LAMP2: variants seen among roughly 807,000 people sequenced by gnomAD.
LAMP2 encodes lysosome associated membrane protein 2.
A neutral mutation model predicts 25.6 loss-of-function variants in LAMP2; 4 were observed. That is an observed-to-expected ratio of 0.16 (90% CI 0.08 to 0.36). The LOEUF (loss-of-function observed/expected upper bound fraction) is 0.36. Among genes scored for constraint, LAMP2 ranks in the 10% least tolerant of loss-of-function variants. LAMP2 has a pLI of 1.00. For missense variants in LAMP2, 272 were observed against 301.4 expected (o/e 0.90, Z 0.72); for synonymous variants, 108 against 112.7 (o/e 0.96, Z 0.27).
At chrX:120,460,993 T>C (rs1248421191) in intron 1 of LAMP2, among the ~76,000 whole-genome samples, 1 of 112,082 alleles carries the variant, frequency 8.9e-6, no homozygotes, top group Non-Finnish European at 1.9e-5. Flanking sequence ...AAACTACTTA[T>C]CTATGCTACC....
At position 120,453,357 on chromosome X, in the gene LAMP2, A is replaced by G. The variant is rs756451705; in HGVS notation, c.397+2000T>C. Among the ~76,000 whole-genome samples, 4 of 111,805 alleles carry G rather than the reference A, an allele frequency of 3.6e-5. No individual in the cohort carries two copies. In the South Asian group the frequency reaches 1.5e-3, roughly 42 times the overall value. The stretch of plus-strand genomic sequence containing the variant: ...GATCTTTTGACATCCTTAAGTCCAA[A>G]TGAGTTATTAATCCCCAGGTCTAGG... On this transcript the variant is annotated intron_variant, in intron 3 of 8. Transcript: ENST00000200639.
intron 1 of LAMP2, among the ~76,000 whole-genome samples, chrX:120,463,915 GTTTTT>G (rs1221202178): frequency 1.0e-5 from 1 of 96,733 alleles, no homozygotes; most frequent in Non-Finnish European, 2.0e-5. Context: ...TCTGTTTTTC[GTTTTT>G]TTTTTGTTTT....
chrX:120,449,790 A>G (rs769144875), intron 3 of LAMP2, among the ~76,000 whole-genome samples: 1 of 111,463 alleles, frequency 9.0e-6, no homozygotes, highest in Non-Finnish European at 1.9e-5. Flanking sequence ...CACATATATA[A>G]TTTATTTTAA....
At chrX:120,465,319 A>AAAAAAAAATTCTGAACCCTAAAAAAAC (rs1921490531) in intron 1 of LAMP2, among the ~76,000 whole-genome samples, 1 of 107,342 alleles carries the variant, frequency 9.3e-6, no homozygotes, top group African/African-American at 3.4e-5. Context: ...GAACCCTAAA[A>AAAAAAAAATTCTGAACCCTAAAAAAAC]AAACAAACAA....
At chrX:120,462,948 G>A (rs1450605230) in intron 1 of LAMP2, among the ~76,000 whole-genome samples, 3 of 112,260 alleles carry the variant, frequency 2.7e-5, no homozygotes, top group Non-Finnish European at 5.6e-5. Flanking sequence ...CAATTTACAA[G>A]TCTCCTTTTT....
In LAMP2 at chrX:120,437,412, CAAA is replaced by C. The variant is rs10565432; in HGVS notation, c.1093+4315_1093+4317del. The C allele has an allele frequency of 0.019, 12,652 of 652,953 alleles. 958 individuals are homozygous for C. The African/African-American group carries it at 0.28, about 15-fold the overall frequency. The allele number at this position is 652,953 out of a possible 1,213,427, so 53.8% of individuals were successfully genotyped here. On this transcript the variant is annotated intron_variant, in intron 8 of 8. Coordinates refer to ENST00000200639, the MANE Select transcript of LAMP2 (RefSeq NM_002294.3). ...GAATGGGAGGCACATAATCCCACCA[CAAA>C]AAAAAAAAAAACACGAAAAAACAAC...
intron 6 of LAMP2, among the ~76,000 whole-genome samples, chrX:120,444,046 G>T (rs1316643441): frequency 1.3e-4 from 14 of 109,324 alleles, no homozygotes; most frequent in African/African-American, 4.3e-4. Context: ...GAAAAGAAAA[G>T]AAAAAAGAAA....
In LAMP2 at chrX:120,441,777, T is replaced by A; in HGVS notation, c.1046A>T (p.Asp349Val). 1 of 1,209,064 alleles carries A rather than the reference T, an allele frequency of 8.3e-7. No homozygotes were observed. Among genetic ancestry groups the A allele is most frequent in the East Asian group, 3.0e-5 (1 of 33,859 alleles). Residue 349 changes from aspartate to valine, a missense_variant, in exon 8 of 9, where the codon GAT becomes GTT. Coordinates refer to ENST00000200639, the MANE Select transcript of LAMP2 (RefSeq NM_002294.3). ...CACATTGAAAGGCTGAACCCTTAGA[T>A]CAAAGGTATTTATCTGAAATGCTCC... Reference protein sequence around the residue: ...VSGAFQINTFDLRVQPFNVTQ... With the variant: ...VSGAFQINTFVLRVQPFNVTQ...
At chrX:120,449,643 G>A (rs981897275) in intron 3 of LAMP2, among the ~76,000 whole-genome samples, 1 of 111,557 alleles carries the variant, frequency 9.0e-6, no homozygotes, top group African/African-American at 3.3e-5. Context: ...AAGAAAAAAG[G>A]AAAAGAAATG....
intron 6 of LAMP2, 35 bp downstream of exon 6, chrX:120,446,270 A>G (rs758540314): frequency 6.0e-5 from 70 of 1,168,201 alleles, no homozygotes; most frequent in Non-Finnish European, 7.9e-5. Context: ...TGTTTCTAAG[A>G]GAATGAACCT....
In LAMP2 at chrX:120,429,138, GTA is replaced by G. The variant is rs1225506311; in HGVS notation, c.*2183_*2184del. 12 of 658,963 alleles carry G rather than the reference GTA, an allele frequency of 1.8e-5. No homozygotes were observed. The South Asian group carries it at 3.1e-4, about 17-fold the overall frequency. 54.3% of individuals were successfully genotyped at this position (658,963 alleles called of 1,213,427 possible). On this transcript the variant is annotated 3_prime_UTR_variant, in exon 9 of 9. Transcript: ENST00000200639. ...TATATGTGTATATATATGTGTGTGTGTATATATATGTGTGTGTGTGTACATAT... is the reference window on the plus strand; with the variant it reads ...TATATGTGTATATATATGTGTGTGTGTATATATGTGTGTGTGTGTACATAT...
chrX:120,468,058 C>G (rs1029076427), intron 1 of LAMP2, among the ~76,000 whole-genome samples: 2 of 111,970 alleles, frequency 1.8e-5, no homozygotes, highest in Admixed American at 1.9e-4. Context: ...CCACCACGCC[C>G]GGCCCCATCC....
chrX:120,430,697 A>G lies in LAMP2; in HGVS notation c.*626T>C. ...GGGTCTGTATCATCCCTAGGGAAAA[A>G]TCACAGGCTTGAGGTACTAACTTCA... On this transcript the variant is annotated 3_prime_UTR_variant, in exon 9 of 9. Coordinates refer to ENST00000200639, the MANE Select transcript of LAMP2 (RefSeq NM_002294.3). 1.3e-6 allele frequency: 1 copy of G among 754,684 alleles called. No homozygotes were observed. The highest frequency in any genetic ancestry group is 1.6e-6 in the Non-Finnish European group (1 of 639,503). 62.2% of individuals were successfully genotyped at this position (754,684 alleles called of 1,213,427 possible). A position where few individuals can be genotyped will look rare whatever the true frequency, so the allele number is the denominator to read the frequency against.
rs1602525642 is a variant in LAMP2 at position 120,429,130 on chromosome X, G to A, written c.*2193C>T. 3.3e-6 allele frequency: 2 copies of A among 604,939 alleles called. No homozygotes were observed. Among genetic ancestry groups the A allele is most frequent in the Non-Finnish European group, 3.9e-6 (2 of 507,299 alleles). 49.9% of individuals were successfully genotyped at this position (604,939 alleles called of 1,213,427 possible). A position where few individuals can be genotyped will look rare whatever the true frequency, so the allele number is the denominator to read the frequency against. On this transcript the variant is annotated 3_prime_UTR_variant, in exon 9 of 9. Transcript: ENST00000200639. ...TATATATGTATATGTGTATATATATGTGTGTGTGTATATATATGTGTGTGT... is the reference window on the plus strand; with the variant it reads ...TATATATGTATATGTGTATATATATATGTGTGTGTATATATATGTGTGTGT...
At chrX:120,446,167 G>A in intron 6 of LAMP2, 138 bp downstream of exon 6, 1 of 578,091 alleles carries the variant, frequency 1.7e-6, no homozygotes, top group Non-Finnish European at 2.9e-6. Context: ...GAACAGGGAT[G>A]AATGGACTAC....
At chrX:120,438,995 T>C in intron 8 of LAMP2, 1 of 1,066,375 alleles carries the variant, frequency 9.4e-7, no homozygotes, top group East Asian at 3.5e-5. Flanking sequence ...AGGCAACTAA[T>C]TTGTAGTTGA....
At position 120,430,352 on chromosome X, in the gene LAMP2, T is replaced by A. The variant is rs2058517971; in HGVS notation, c.*971A>T. The A allele has an allele frequency of 1.3e-6, 1 of 753,611 alleles. No homozygotes were observed. Among genetic ancestry groups the A allele is most frequent in the African/African-American group, 2.3e-5 (1 of 43,511 alleles). 62.1% of individuals were successfully genotyped at this position (753,611 alleles called of 1,213,427 possible). A position where few individuals can be genotyped will look rare whatever the true frequency, so the allele number is the denominator to read the frequency against. On this transcript the variant is annotated 3_prime_UTR_variant, in exon 9 of 9. Coordinates refer to ENST00000200639, the MANE Select transcript of LAMP2 (RefSeq NM_002294.3). ...CTTGAAGAAACAAGAGCCTAGTTGCTATGCTTCACTGCCTCCCTTCTGAGA... is the reference window on the plus strand; with the variant it reads ...CTTGAAGAAACAAGAGCCTAGTTGCAATGCTTCACTGCCTCCCTTCTGAGA...
intron 3 of LAMP2, among the ~76,000 whole-genome samples, 179 bp downstream of exon 3, chrX:120,455,175 TATC>T (rs895674403): frequency 8.4e-5 from 9 of 106,898 alleles, no homozygotes; most frequent in African/African-American, 3.1e-4. Context: ...TGACAGCAAA[TATC>T]ATCAGTATGT....
intron 8 of LAMP2, chrX:120,438,579 AT>A: frequency 5.3e-6 from 4 of 752,429 alleles, no homozygotes; most frequent in Non-Finnish European, 6.3e-6. Flanking sequence ...TTAGAAAAGC[AT>A]TTATTGCTAA....
Sources: gnomAD v4.1 joint callset for allele counts (sites outside exome capture counted in the v4.1 genomes callset) on GRCh38, gnomAD v4.1.1 for gene constraint, MANE v1.5 for transcripts, NCBI Gene and HGNC (gene_info 2026-07-23, HGNC 2026-07-21) for gene names.